CTNND2: variants seen among roughly 807,000 people sequenced by gnomAD.
CTNND2 encodes catenin delta 2.
CTNND2 carries 22 observed loss-of-function variants against 144.4 expected under a neutral mutation model. The ratio of observed to expected loss-of-function variants is 0.15; its 90% CI spans 0.11 to 0.22. CTNND2 has a LOEUF of 0.22. CTNND2 is among the 10% of genes least tolerant of loss of function. The pLI is 1.00. For synonymous variants in CTNND2, 751 were observed against 695.6 expected, an observed-to-expected ratio of 1.08 and a Z score of -1.25; for missense variants, 1,353 against 1,618.8, an observed-to-expected ratio of 0.84 and a Z score of 2.82.
At chr5:11,643,074 G>C (rs1258692382) in intron 2 of CTNND2, among the ~76,000 whole-genome samples, 1 of 152,068 alleles carries the variant, frequency 6.6e-6, no homozygotes, top group Non-Finnish European at 1.5e-5. Context: ...CAAAGAAACA[G>C]ATCTTCAGTT....
intron 11 of CTNND2, 62 bp downstream of exon 11, chr5:11,199,386 T>C (rs1357985731): frequency 7.0e-7 from 1 of 1,434,366 alleles, no homozygotes; most frequent in Non-Finnish European, 9.7e-7. Context: ...CATTTGCCTC[T>C]GTGTTGGATA....
At chr5:11,302,776 G>A (rs984835454) in intron 9 of CTNND2, among the ~76,000 whole-genome samples, 3 of 152,066 alleles carry the variant, frequency 2.0e-5, no homozygotes, top group African/African-American at 7.2e-5. Flanking sequence ...ATGATCTCCT[G>A]GGCAAATAGA....
At chr5:11,318,891 A>G (rs1024832947) in intron 9 of CTNND2, among the ~76,000 whole-genome samples, 1 of 151,094 alleles carries the variant, frequency 6.6e-6, no homozygotes, top group Non-Finnish European at 1.5e-5. Context: ...TCTCTAACCC[A>G]CCCCTAGAAA....
chr5:11,540,208 T>A (rs942786829), intron 3 of CTNND2, among the ~76,000 whole-genome samples: 1 of 152,176 alleles, frequency 6.6e-6, no homozygotes, highest in Non-Finnish European at 1.5e-5. Context: ...ATTCCAAGTG[T>A]GCCCTCCTGC....
chr5:11,207,965 G>A (rs888300764), intron 10 of CTNND2, among the ~76,000 whole-genome samples: 1 of 151,922 alleles, frequency 6.6e-6, no homozygotes, highest in Non-Finnish European at 1.5e-5. Flanking sequence ...AAAACCTTTT[G>A]GAATTAATTA....
chr5:11,801,195 G>T (rs1453288527), intron 1 of CTNND2, among the ~76,000 whole-genome samples: 1 of 152,158 alleles, frequency 6.6e-6, no homozygotes, highest in African/African-American at 2.4e-5. Context: ...TTAGCTGATG[G>T]GTACCAGTTA....
At chr5:11,319,758 T>G (rs776971723) in intron 9 of CTNND2, among the ~76,000 whole-genome samples, 6 of 152,206 alleles carry the variant, frequency 3.9e-5, no homozygotes, top group Non-Finnish European at 5.9e-5. Flanking sequence ...TGACCTTAGG[T>G]GATCCACCAG....
At chr5:11,591,366 A>G (rs1779229903) in intron 2 of CTNND2, among the ~76,000 whole-genome samples, 1 of 152,216 alleles carries the variant, frequency 6.6e-6, no homozygotes. Context: ...TAAGAAAATT[A>G]CTTTCCCAGG....
At chr5:11,095,531 GA>G (rs1252519440) in intron 15 of CTNND2, among the ~76,000 whole-genome samples, 3 of 152,216 alleles carry the variant, frequency 2.0e-5, no homozygotes, top group Admixed American at 6.5e-5. Context: ...GATAGTAATT[GA>G]GAAAAATAAT....
At position 11,719,833 on chromosome 5, in the gene CTNND2, T is replaced by TACACACACACAC. The variant is rs36223515; in HGVS notation, c.174+12291_174+12302dup. On this transcript the variant is annotated intron_variant, in intron 2 of 21. Transcript: ENST00000304623. ...TGAATTTGTGGGTAGCTCTGACATA[T>TACACACACACAC]ACACACACACACACACACACACACA... Among the ~76,000 whole-genome samples, 74 of 142,112 alleles carry TACACACACACAC rather than the reference T, an allele frequency of 5.2e-4. No homozygotes were observed. In the Middle Eastern group the frequency reaches 0.015, roughly 29 times the overall value. 93.2% of individuals were successfully genotyped at this position (142,112 alleles called of 152,430 possible).
At chr5:11,100,653 T>A (rs1176096233) in intron 14 of CTNND2, among the ~76,000 whole-genome samples, 1 of 152,192 alleles carries the variant, frequency 6.6e-6, no homozygotes, top group East Asian at 1.9e-4. Context: ...AATGGCAAAT[T>A]ATTTCTTTTA....
At chr5:11,313,692 GGGTAATTGCAAACTGGGTAATTTGCAACC>G (rs1201431236) in intron 9 of CTNND2, among the ~76,000 whole-genome samples, 2 of 152,152 alleles carry the variant, frequency 1.3e-5, no homozygotes, top group African/African-American at 4.8e-5. Context: ...AGCTGCAACT[GGGTAATTGCAAACTGGGTAATTTGCAACC>G]GGTAATTGCA....
intron 2 of CTNND2, among the ~76,000 whole-genome samples, chr5:11,587,264 T>C (rs996799433): frequency 1.3e-5 from 2 of 152,154 alleles, no homozygotes; most frequent in African/African-American, 4.8e-5. Context: ...TAAATCACTT[T>C]CTAAATCCAT....
chr5:11,579,410 T>A (rs543984336), intron 2 of CTNND2, among the ~76,000 whole-genome samples: 2 of 152,270 alleles, frequency 1.3e-5, no homozygotes, highest in African/African-American at 4.8e-5. Flanking sequence ...CATTATCAAG[T>A]TTGCAGGCTT....
At chr5:11,173,607 A>T (rs1429768225) in intron 11 of CTNND2, among the ~76,000 whole-genome samples, 1 of 152,188 alleles carries the variant, frequency 6.6e-6, no homozygotes, top group Admixed American at 6.5e-5. Flanking sequence ...TTAAGCAGGT[A>T]ACTGTCATAA....
intron 2 of CTNND2, among the ~76,000 whole-genome samples, chr5:11,641,529 G>A (rs77957688): frequency 0.058 from 8,609 of 149,678 alleles, 525 homozygotes; most frequent in East Asian, 0.17. Flanking sequence ...ACATATACAC[G>A]TATATGTATA....
At chr5:11,471,977 C>T (rs1410567693) in intron 3 of CTNND2, among the ~76,000 whole-genome samples, 1 of 152,100 alleles carries the variant, frequency 6.6e-6, no homozygotes, top group Admixed American at 6.5e-5. Flanking sequence ...TCCCTGTTAC[C>T]ATATATAGAA....
rs188616617 is a variant in CTNND2, at chr5:11,066,128, C to A, written c.2788+16568G>T. Among the ~76,000 whole-genome samples the A allele has an allele frequency of 2.6e-4, 40 of 151,724 alleles. No individual in the cohort carries two copies. In the South Asian group the frequency reaches 6.4e-3, roughly 24 times the overall value. ...GATCTCAGCTCACTGCAACCTCCGT[C>A]TCCTGGGTTTAAGAGATTCTCCTGC... On this transcript the variant is annotated intron_variant, in intron 16 of 21. Transcript: ENST00000304623.
intron 16 of CTNND2, among the ~76,000 whole-genome samples, chr5:11,072,121 A>C (rs1274113531): frequency 1.3e-5 from 2 of 152,226 alleles, no homozygotes; most frequent in Non-Finnish European, 2.9e-5. Context: ...CCATTTCATC[A>C]CTATAACTTT....
Sources: allele counts gnomAD v4.1 joint callset (sites outside exome capture counted in the v4.1 genomes callset), GRCh38; gene constraint gnomAD v4.1.1; transcripts MANE v1.5; gene names NCBI Gene and HGNC (gene_info 2026-07-23, HGNC 2026-07-21).